Variants in PLEKHG1 observed in about 807,000 individuals in gnomAD.
The protein encoded by PLEKHG1 is pleckstrin homology and RhoGEF domain containing G1.
PLEKHG1 carries 44 observed loss-of-function variants against 100.8 expected under a neutral mutation model. That is an observed-to-expected ratio of 0.44 (90% CI 0.34 to 0.56). The LOEUF (loss-of-function observed/expected upper bound fraction) is 0.56, where lower values mean the gene tolerates loss of function less well. Ranked by LOEUF, PLEKHG1 falls within the 20% of genes least tolerant of loss-of-function variation. PLEKHG1 has a pLI of 0.01. For missense variants in PLEKHG1, 1,545 were observed against 1,720.9 expected, an observed-to-expected ratio of 0.90 and a Z score of 1.81; for synonymous variants, 640 against 662.5, an observed-to-expected ratio of 0.97 and a Z score of 0.52.
At chr6:150,645,645 C>A (rs551058512) in intron 2 of PLEKHG1, among the ~76,000 whole-genome samples, 379 of 152,258 alleles carry the variant, frequency 2.5e-3, no homozygotes, top group Middle Eastern at 6.8e-3. Flanking sequence ...TGAAAATATG[C>A]TCAACCTCAG....
At chr6:150,648,525 TTATA>T (rs1260937815) in intron 2 of PLEKHG1, among the ~76,000 whole-genome samples, 1 of 152,152 alleles carries the variant, frequency 6.6e-6, no homozygotes, top group African/African-American at 2.4e-5. Context: ...ATGGATCTAT[TTATA>T]TAATATTTAT....
intron 3 of PLEKHG1, among the ~76,000 whole-genome samples, chr6:150,673,145 A>C (rs1779632941): frequency 6.6e-6 from 1 of 152,186 alleles, no homozygotes; most frequent in Admixed American, 6.5e-5. Flanking sequence ...GAATTTTGGC[A>C]TGTATCTGCA....
At chr6:150,702,315 C>G (rs1214001041) in intron 3 of PLEKHG1, among the ~76,000 whole-genome samples, 1 of 152,116 alleles carries the variant, frequency 6.6e-6, no homozygotes, top group South Asian at 2.1e-4. Flanking sequence ...ACTAAAAATA[C>G]AAAAATCAGC....
chr6:150,655,577 G>A (rs746208189), intron 3 of PLEKHG1, among the ~76,000 whole-genome samples: 3 of 151,844 alleles, frequency 2.0e-5, no homozygotes, highest in South Asian at 4.2e-4. Flanking sequence ...CCATGGTGGC[G>A]GGCGCCTGTA....
At chr6:150,832,529 A>G (rs537192359) in intron 15 of PLEKHG1, among the ~76,000 whole-genome samples, 1 of 152,234 alleles carries the variant, frequency 6.6e-6, no homozygotes, top group African/African-American at 2.4e-5. Flanking sequence ...GCTATCTCCA[A>G]CTTTTCCAGT....
At chr6:150,815,509 A>G (rs1203017226) in intron 10 of PLEKHG1, among the ~76,000 whole-genome samples, 1 of 152,214 alleles carries the variant, frequency 6.6e-6, no homozygotes, top group Non-Finnish European at 1.5e-5. Context: ...TTTGCATTTT[A>G]TATATTAGTA....
intron 10 of PLEKHG1, among the ~76,000 whole-genome samples, chr6:150,814,939 C>T (rs947914451): frequency 3.3e-5 from 5 of 152,084 alleles, no homozygotes; most frequent in Admixed American, 1.3e-4. Flanking sequence ...AGGCTGGTCT[C>T]GAACTCCCGG....
At chr6:150,817,887 G>A (rs1201300229) in intron 10 of PLEKHG1, among the ~76,000 whole-genome samples, 1 of 151,836 alleles carries the variant, frequency 6.6e-6, no homozygotes, top group African/African-American at 2.4e-5. Flanking sequence ...TAATAAGCTG[G>A]CCAATGAGTG....
intron 2 of PLEKHG1, among the ~76,000 whole-genome samples, chr6:150,750,780 CAAAAAAAAAA>C (rs1158670858): frequency 2.7e-5 from 1 of 37,402 alleles, no homozygotes; most frequent in African/African-American, 1.0e-4. Context: ...GACTCCATCT[CAAAAAAAAAA>C]AAAAAAAAAA....
intron 1 of PLEKHG1, among the ~76,000 whole-genome samples, chr6:150,730,005 A>C (rs561856191): frequency 2.0e-4 from 30 of 152,282 alleles, no homozygotes; most frequent in Non-Finnish European, 4.0e-4. Flanking sequence ...CTTCTGTCCC[A>C]ATATTGGGTA....
chr6:150,726,169 A>G (rs1331928243), intron 1 of PLEKHG1, among the ~76,000 whole-genome samples: 1 of 152,326 alleles, frequency 6.6e-6, no homozygotes, highest in Non-Finnish European at 1.5e-5. Context: ...GCTATGCAAG[A>G]TGAGTAAGTC....
intron 1 of PLEKHG1, among the ~76,000 whole-genome samples, chr6:150,602,135 AATGCTTGAGTAG>A (rs1776382629): frequency 6.6e-6 from 1 of 152,220 alleles, no homozygotes; most frequent in South Asian, 2.1e-4. Context: ...AAATATGGGA[AATGCTTGAGTAG>A]CACTAAATCT....
chr6:150,661,195 G>A (rs1228731837), intron 3 of PLEKHG1, among the ~76,000 whole-genome samples: 2 of 152,210 alleles, frequency 1.3e-5, no homozygotes, highest in African/African-American at 4.8e-5. Flanking sequence ...CTTGGCCAGT[G>A]TAGGGCATAG....
At chr6:150,606,188 C>T (rs568963003) in intron 1 of PLEKHG1, among the ~76,000 whole-genome samples, 40 of 152,260 alleles carry the variant, frequency 2.6e-4, no homozygotes, top group African/African-American at 8.9e-4. Flanking sequence ...GTAAAATTGG[C>T]CTACACATAA....
intron 3 of PLEKHG1, among the ~76,000 whole-genome samples, chr6:150,702,156 T>G (rs1291123627): frequency 6.6e-6 from 1 of 152,208 alleles, no homozygotes; most frequent in South Asian, 2.1e-4. Context: ...GAAATACAAC[T>G]GGACAACAGA....
intron 3 of PLEKHG1, among the ~76,000 whole-genome samples, chr6:150,654,097 T>C (rs1029420691): frequency 5.9e-5 from 9 of 152,188 alleles, no homozygotes; most frequent in Admixed American, 5.2e-4. Flanking sequence ...CCCTGGTTAT[T>C]TGATGGAAGG....
At chr6:150,608,284 C>T (rs1776685026) in intron 1 of PLEKHG1, among the ~76,000 whole-genome samples, 1 of 152,190 alleles carries the variant, frequency 6.6e-6, no homozygotes, top group Admixed American at 6.5e-5. Context: ...GAGAACTGAG[C>T]TGTGATGAGT....
chr6:150,763,026 T>TC (rs1463710654), intron 2 of PLEKHG1, among the ~76,000 whole-genome samples: 8 of 135,200 alleles, frequency 5.9e-5, no homozygotes, highest in Non-Finnish European at 1.1e-4. Context: ...TAAAGCTTCT[T>TC]TTTTTTTTTT....
intron 2 of PLEKHG1, among the ~76,000 whole-genome samples, chr6:150,735,135 C>T (rs1449067281): frequency 2.0e-5 from 3 of 151,986 alleles, no homozygotes; most frequent in Non-Finnish European, 4.4e-5. Context: ...TATAGGCATG[C>T]TCCACCACAC....
Sources: gnomAD v4.1 joint callset for allele counts (sites outside exome capture counted in the v4.1 genomes callset) on GRCh38, gnomAD v4.1.1 for gene constraint, MANE v1.5 for transcripts, NCBI Gene and HGNC (gene_info 2026-07-23, HGNC 2026-07-21) for gene names.